The following PRKG1 variants were observed in gnomAD, a reference collection of about 807,000 sequenced individuals.
PRKG1 encodes the protein cGMP-dependent protein kinase 1.
A neutral mutation model predicts 88.1 loss-of-function variants in PRKG1; 35 were observed. The observed-to-expected ratio is 0.40, with a 90% CI of 0.30 to 0.53. The LOEUF (loss-of-function observed/expected upper bound fraction) is 0.53, where lower values mean the gene tolerates loss of function less well. Among genes scored for constraint, PRKG1 ranks in the 20% least tolerant of loss-of-function variants. PRKG1 has a pLI of 0.59. For missense variants in PRKG1, 540 were observed against 839.8 expected (o/e 0.64, Z 4.41); for synonymous variants, 303 against 292.5 (o/e 1.04, Z -0.37).
intron 3 of PRKG1, among the ~76,000 whole-genome samples, chr10:51,547,666 T>C (rs1842474095): frequency 6.6e-6 from 1 of 152,080 alleles, no homozygotes. Flanking sequence ...TTTAAAAAAA[T>C]CAATCTCAAA....
chr10:51,526,914 A>T (rs1174994180), intron 3 of PRKG1, among the ~76,000 whole-genome samples: 1 of 152,114 alleles, frequency 6.6e-6, no homozygotes, highest in Non-Finnish European at 1.5e-5. Context: ...CACCTCCTCC[A>T]TGCTCTTTGG....
chr10:51,208,926 C>T (rs933239327), intron 2 of PRKG1, among the ~76,000 whole-genome samples: 1 of 152,128 alleles, frequency 6.6e-6, no homozygotes, highest in Non-Finnish European at 1.5e-5. Flanking sequence ...CTTTTGTGTT[C>T]TCATCAATTT....
At chr10:51,006,096 T>TTG (rs1475326360) in intron 1 of PRKG1, among the ~76,000 whole-genome samples, 2 of 152,200 alleles carry the variant, frequency 1.3e-5, no homozygotes, top group Non-Finnish European at 2.9e-5. Flanking sequence ...TGTTAAGCCT[T>TTG]TGTGTAGCCC....
At chr10:51,825,201 T>C (rs973264091) in intron 4 of PRKG1, among the ~76,000 whole-genome samples, 1 of 152,170 alleles carries the variant, frequency 6.6e-6, no homozygotes, top group Non-Finnish European at 1.5e-5. Flanking sequence ...GGAGTATACA[T>C]GTACATTTTC....
At chr10:52,038,944 G>C (rs966213843) in intron 5 of PRKG1, among the ~76,000 whole-genome samples, 1 of 152,192 alleles carries the variant, frequency 6.6e-6, no homozygotes, top group African/African-American at 2.4e-5. Flanking sequence ...TTGGAGAAGA[G>C]AGTAAGAAGA....
intron 1 of PRKG1, among the ~76,000 whole-genome samples, chr10:51,059,456 G>A (rs1234728090): frequency 6.6e-6 from 1 of 151,928 alleles, no homozygotes; most frequent in Non-Finnish European, 1.5e-5. Flanking sequence ...CAGTGTACTG[G>A]TGCAATCATA....
At chr10:51,526,291 T>A (rs940311120) in intron 3 of PRKG1, among the ~76,000 whole-genome samples, 1 of 152,198 alleles carries the variant, frequency 6.6e-6, no homozygotes, top group Non-Finnish European at 1.5e-5. Flanking sequence ...ATATATTGAG[T>A]TAAATATATT....
At chr10:52,153,667 G>A (rs937602005) in intron 8 of PRKG1, among the ~76,000 whole-genome samples, 2 of 152,182 alleles carry the variant, frequency 1.3e-5, no homozygotes, top group Non-Finnish European at 2.9e-5. Context: ...GTCTCACAGA[G>A]TAGAACTGAC....
intron 4 of PRKG1, among the ~76,000 whole-genome samples, chr10:51,906,963 C>A (rs1564702467): frequency 2.6e-5 from 4 of 152,132 alleles, no homozygotes; most frequent in Non-Finnish European, 5.9e-5. Flanking sequence ...TTTTGTCAGT[C>A]TTAAGATTTC....
intron 2 of PRKG1, among the ~76,000 whole-genome samples, chr10:51,324,237 T>G (rs542668444): frequency 6.6e-6 from 1 of 152,244 alleles, no homozygotes; most frequent in East Asian, 1.9e-4. Flanking sequence ...TAACCAACTG[T>G]TCTTCATTCC....
At chr10:52,037,360 A>G (rs1845644033) in intron 5 of PRKG1, among the ~76,000 whole-genome samples, 1 of 152,140 alleles carries the variant, frequency 6.6e-6, no homozygotes, top group Admixed American at 6.5e-5. Context: ...TTTTTCTATT[A>G]TTGTACACCT....
intron 7 of PRKG1, among the ~76,000 whole-genome samples, chr10:52,094,746 C>T (rs1408884844): frequency 1.3e-5 from 2 of 152,300 alleles, no homozygotes; most frequent in African/African-American, 4.8e-5. Flanking sequence ...GGACAGGCAT[C>T]TGCACAAGCT....
chr10:52,187,555 G>A (rs1437121746), intron 9 of PRKG1, among the ~76,000 whole-genome samples: 1 of 152,130 alleles, frequency 6.6e-6, no homozygotes, highest in Non-Finnish European at 1.5e-5. Flanking sequence ...AAATTTGATA[G>A]TCTCTCCAAA....
At chr10:51,394,502 C>G (rs7912342) in intron 2 of PRKG1, among the ~76,000 whole-genome samples, 36,449 of 152,100 alleles carry the variant, frequency 0.24, 4,824 homozygotes, top group African/African-American at 0.33. Context: ...TAGCAAGCAA[C>G]AGGAAAAACC....
chr10:51,445,942 C>T (rs1259718827), intron 2 of PRKG1, among the ~76,000 whole-genome samples: 4 of 151,746 alleles, frequency 2.6e-5, no homozygotes, highest in East Asian at 1.9e-4. Flanking sequence ...AATCAGCAAA[C>T]GTTTATCTAT....
chr10:51,485,257 G>A (rs1182433515), intron 3 of PRKG1, among the ~76,000 whole-genome samples: 1 of 152,128 alleles, frequency 6.6e-6, no homozygotes, highest in Non-Finnish European at 1.5e-5. Flanking sequence ...TAGTTACATT[G>A]ATAAGTATCT....
At chr10:52,058,113 G>T (rs1846153052) in intron 6 of PRKG1, among the ~76,000 whole-genome samples, 1 of 151,808 alleles carries the variant, frequency 6.6e-6, no homozygotes, top group Admixed American at 6.6e-5. Flanking sequence ...GCATTATTCA[G>T]TTCATTTTTC....
chr10:51,940,373 T>C (rs1371966228), intron 5 of PRKG1, among the ~76,000 whole-genome samples: 1 of 151,872 alleles, frequency 6.6e-6, no homozygotes, highest in Non-Finnish European at 1.5e-5. Flanking sequence ...GAAACGTACT[T>C]TTCTCCAAAG....
chr10:51,176,629 G>T (rs1296703177), intron 2 of PRKG1, among the ~76,000 whole-genome samples: 1 of 152,090 alleles, frequency 6.6e-6, no homozygotes, highest in Non-Finnish European at 1.5e-5. Flanking sequence ...TAATAGAAAG[G>T]TTCTTGAGTT....
Sources: gnomAD v4.1 joint callset for allele counts (sites outside exome capture counted in the v4.1 genomes callset) on GRCh38, gnomAD v4.1.1 for gene constraint, MANE v1.5 for transcripts, NCBI Gene and HGNC (gene_info 2026-07-23, HGNC 2026-07-21) for gene names.